Variants in UBIAD1 observed in about 807,000 individuals in gnomAD.
UBIAD1 encodes ubiA prenyltransferase domain-containing protein 1.
Under a neutral mutation model 20.1 loss-of-function variants are expected in UBIAD1, and 12 were observed. The observed-to-expected ratio is 0.60, with a 90% confidence interval of 0.38 to 0.97. The LOEUF (loss-of-function observed/expected upper bound fraction) is 0.97. Ranked by LOEUF, UBIAD1 falls within the 50% of genes least tolerant of loss-of-function variation. UBIAD1 has a pLI of 0.00. For synonymous variants in UBIAD1, 207 were observed against 189.2 expected, an observed-to-expected ratio of 1.09 and a Z score of -0.77; for missense variants, 333 against 419.5, an observed-to-expected ratio of 0.79 and a Z score of 1.80.
downstream of UBIAD1, among the ~76,000 whole-genome samples, chr1:11,296,519 T>C (rs944511768): frequency 7.2e-5 from 11 of 152,102 alleles, no homozygotes; most frequent in African/African-American, 2.7e-4. Flanking sequence ...GAGTTCCCCC[T>C]GTCCCCCCCT....
chr1:11,294,630 C>A (rs180720453), intron 1 of UBIAD1, among the ~76,000 whole-genome samples: 8 of 152,316 alleles, frequency 5.3e-5, no homozygotes, highest in Admixed American at 5.2e-4. Context: ...TGGCTGCTTC[C>A]TGGCTGGTGG....
At chr1:11,296,597 C>T (rs1220139600), downstream of UBIAD1, among the ~76,000 whole-genome samples, 1 of 152,142 alleles carries the variant, frequency 6.6e-6, no homozygotes, top group Non-Finnish European at 1.5e-5. Flanking sequence ...TGGCTTACTG[C>T]AGCCTCAACC....
downstream of UBIAD1, among the ~76,000 whole-genome samples, chr1:11,289,249 C>A (rs1415885496): frequency 6.6e-6 from 1 of 152,210 alleles, no homozygotes; most frequent in African/African-American, 2.4e-5. Flanking sequence ...AGTTGGAGCC[C>A]TGTCCTCTGC....
intron 1 of UBIAD1, among the ~76,000 whole-genome samples, chr1:11,274,678 C>T (rs2101013653): frequency 6.6e-6 from 1 of 152,138 alleles, no homozygotes; most frequent in South Asian, 2.1e-4. Flanking sequence ...GGCACCATCT[C>T]GGCTTACTGC....
rs1375671452 is a variant in UBIAD1, at chr1:11,288,147, C to T, written c.*2016C>T. 1 of 152,120 alleles carries T rather than the reference C, an allele frequency of 6.6e-6. No individual in the cohort carries two copies. 9.4% of individuals were successfully genotyped at this position (152,120 alleles called of 1,614,324 possible). ...CAGGGGTTTTGCCTTCTGACCTCTC[C>T]TTGGAGTAGGCCATTCTCATGCAGG... On this transcript the variant is annotated 3_prime_UTR_variant, in exon 2 of 2. Transcript: ENST00000376810.
Position 11,273,285 on chromosome 1 carries a change from A to C in UBIAD1, c.-247A>C. ...CGGCCGCGGCTCAGCCGTGGGCTCTAACGCGGGGCTGGGGGCCGGAGACAG... is the reference window on the plus strand; with the variant it reads ...CGGCCGCGGCTCAGCCGTGGGCTCTCACGCGGGGCTGGGGGCCGGAGACAG... On this transcript the variant is annotated 5_prime_UTR_variant, in exon 1 of 2. Coordinates refer to ENST00000376810, the MANE Select transcript of UBIAD1 (RefSeq NM_013319.3). The surrounding 1 kb of genome is among the most constrained non-coding windows in gnomAD (Gnocchi z 4.9). 1 of 555,388 alleles carries C rather than the reference A, an allele frequency of 1.8e-6. No individual in the cohort carries two copies. Among genetic ancestry groups the C allele is most frequent in the Non-Finnish European group, 3.2e-6 (1 of 309,428 alleles). 34.4% of individuals were successfully genotyped at this position (555,388 alleles called of 1,614,324 possible).
chr1:11,292,858 G>A (rs1417687620), downstream of UBIAD1, among the ~76,000 whole-genome samples: 2 of 152,224 alleles, frequency 1.3e-5, no homozygotes, highest in African/African-American at 4.8e-5. Context: ...TAAAAGGAAT[G>A]CCTCTGGCAA....
downstream of UBIAD1, among the ~76,000 whole-genome samples, chr1:11,299,063 G>T (rs182154580): frequency 2.3e-3 from 349 of 152,336 alleles, no homozygotes; most frequent in Non-Finnish European, 4.2e-3. Context: ...CATCACAGTG[G>T]CTGCAGCCAA....
chr1:11,279,604 C>T (rs1180473483), intron 1 of UBIAD1, among the ~76,000 whole-genome samples: 4 of 152,160 alleles, frequency 2.6e-5, no homozygotes, highest in East Asian at 1.9e-4. Context: ...TTAGCAGAGA[C>T]GGTGTTTCAC....
At chr1:11,289,878 C>G (rs988405248), downstream of UBIAD1, among the ~76,000 whole-genome samples, 1 of 152,082 alleles carries the variant, frequency 6.6e-6, no homozygotes, top group Non-Finnish European at 1.5e-5. Context: ...TTACAGGCAC[C>G]CGCCACTATG....
intron 1 of UBIAD1, chr1:11,278,639 G>A (rs1433830190): frequency 4.1e-6 from 6 of 1,474,192 alleles, no homozygotes; most frequent in Non-Finnish European, 5.4e-6. Flanking sequence ...TCCTTCCAGT[G>A]GCTGTGGAAG....
downstream of UBIAD1, among the ~76,000 whole-genome samples, chr1:11,298,460 C>T (rs535158989): frequency 1.2e-3 from 181 of 151,812 alleles, no homozygotes; most frequent in Non-Finnish European, 2.2e-3. This position sits in a 1 kb window ranked among gnomAD's most constrained non-coding sequence, Gnocchi z 4.0. Context: ...CCAGCTACTC[C>T]GGAGGCTGAG....
chr1:11,279,561 C>T (rs988422657), intron 1 of UBIAD1, among the ~76,000 whole-genome samples: 3 of 152,126 alleles, frequency 2.0e-5, no homozygotes, highest in African/African-American at 7.2e-5. Context: ...GGATTACAGG[C>T]GTCTGCCACC....
intron 1 of UBIAD1, chr1:11,278,867 CTT>C: frequency 2.5e-6 from 1 of 403,330 alleles, no homozygotes; most frequent in Non-Finnish European, 4.6e-6. Context: ...GCTATATATT[CTT>C]TTTTTTTATT....
chr1:11,294,062 C>T (rs1300023502), intron 1 of UBIAD1, among the ~76,000 whole-genome samples: 5 of 152,152 alleles, frequency 3.3e-5, no homozygotes, highest in Non-Finnish European at 5.9e-5. Context: ...GATGACTGGC[C>T]GAGGGAATGG....
chr1:11,277,168 T>A (rs192868179), intron 1 of UBIAD1, among the ~76,000 whole-genome samples: 61 of 151,476 alleles, frequency 4.0e-4, no homozygotes, highest in Non-Finnish European at 7.4e-4. Context: ...ACCTGGGAGG[T>A]TGTAGTGAGC....
In UBIAD1 at chr1:11,277,160, C is replaced by T. The variant is rs571909002; in HGVS notation, c.529+3100C>T. Among the ~76,000 whole-genome samples the T allele has an allele frequency of 5.3e-5, 8 of 152,044 alleles. No individual in the cohort carries two copies. The East Asian group carries it at 1.6e-3, about 30-fold the overall frequency. Reference sequence around the variant, plus strand: ...GCTGAGGTAGGAGAATCGCTTGAACCTGGGAGGTTGTAGTGAGCCAAGATC... The same window carrying T: ...GCTGAGGTAGGAGAATCGCTTGAACTTGGGAGGTTGTAGTGAGCCAAGATC... On this transcript the variant is annotated intron_variant, in intron 1 of 1. Coordinates refer to ENST00000376810, the MANE Select transcript of UBIAD1 (RefSeq NM_013319.3).
At chr1:11,295,667 AG>A (rs1198071413), downstream of UBIAD1, 1 of 152,222 alleles carries the variant, frequency 6.6e-6, no homozygotes, top group African/African-American at 2.4e-5. Flanking sequence ...ATTGAGGCCA[AG>A]GGAATACCAG....
rs1417648827 is a variant in UBIAD1 at position 11,287,699 on chromosome 1, A to ATCAGGAGAT, written c.*1568_*1569insTCAGGAGAT. The ATCAGGAGAT allele has an allele frequency of 6.6e-6, 1 of 152,136 alleles. No individual in the cohort carries two copies. Among genetic ancestry groups the ATCAGGAGAT allele is most frequent in the Non-Finnish European group, 1.5e-5 (1 of 68,032 alleles). 9.4% of individuals were successfully genotyped at this position (152,136 alleles called of 1,614,324 possible). A position where few individuals can be genotyped will look rare whatever the true frequency, so the allele number is the denominator to read the frequency against. On this transcript the variant is annotated 3_prime_UTR_variant, in exon 2 of 2. Transcript: ENST00000376810. ...AATCCCAGCACTTTGGGAGGCCGAG[A>ATCAGGAGAT]CGGGCGGATCACGAGGTCAGGAGAT...
Sources: gnomAD v4.1 joint callset for allele counts (sites outside exome capture counted in the v4.1 genomes callset) on GRCh38, gnomAD v4.1.1 for gene constraint, Gnocchi (gnomAD v3.1) non-coding constraint, MANE v1.5 for transcripts, NCBI Gene and HGNC (gene_info 2026-07-23, HGNC 2026-07-21) for gene names.